ZAN: variants seen among roughly 807,000 people sequenced by gnomAD.
ZAN encodes zonadhesin (gene/pseudogene).
ZAN carries 260 observed loss-of-function variants against 286.2 expected under a neutral mutation model. The observed-to-expected ratio is 0.91, with a 90% CI of 0.82 to 1.01. The LOEUF is 1.01. ZAN is among the 50% of genes least tolerant of loss of function. ZAN has a pLI of 0.00. For missense variants in ZAN, 3,410 were observed against 3,639.2 expected (o/e 0.94, Z 1.62); for synonymous variants, 1,368 against 1,417.5 (o/e 0.97, Z 0.79).
chr7:100,756,101 C>T (rs57298786), intron 15 of ZAN, among the ~76,000 whole-genome samples: 3,147 of 152,144 alleles, frequency 0.021, 120 homozygotes, highest in South Asian at 0.14. Flanking sequence ...ATATTCTTTA[C>T]GTCTTTAAAT....
Position 100,788,103 on chromosome 7 carries a change from T to C in ZAN, c.7194T>C (p.Tyr2398=). The C allele has an allele frequency of 1.9e-6, 3 of 1,552,526 alleles. No individual in the cohort carries two copies. Among genetic ancestry groups the C allele is most frequent in the South Asian group, 2.4e-5 (2 of 82,276 alleles). Residue 2398 remains tyrosine, a synonymous_variant, in exon 38 of 48, where the codon TAT becomes TAC. Transcript: ENST00000613979. Reference sequence around the variant, plus strand: ...AAGTGATTACCACCGTCTACGGCTATAAAGTGCAGCTCCAAGCTGGTCTGG... The same window carrying C: ...AAGTGATTACCACCGTCTACGGCTACAAAGTGCAGCTCCAAGCTGGTCTGG... ...LQEVITTVYG[Y]KVQLQAGLEL...
At position 100,766,528 on chromosome 7, in the gene ZAN, G is replaced by A. The variant is rs747940944; in HGVS notation, c.4474G>A (p.Gly1492Arg). The A allele has an allele frequency of 1.7e-5, 26 of 1,549,736 alleles. No individual in the cohort carries two copies. The highest frequency in any genetic ancestry group is 1.5e-4 in the African/African-American group (11 of 73,138). ...CCTTCCCTGCTGTCTTCCCCAGGTAGGGGAGCGGTGGTACAAGCCAGGCTG... is the reference window on the plus strand; with the variant it reads ...CCTTCCCTGCTGTCTTCCCCAGGTAAGGGAGCGGTGGTACAAGCCAGGCTG... ...LHPAGSYFKV[G>R]ERWYKPGCKE... is the part of the protein sequence containing the mutation. Residue 1492 changes from glycine to arginine, a missense_variant, in exon 24 of 48, where the codon GGG becomes AGG. Gly to Arg is a moderately radical substitution (Grantham distance 125). This residue lies in a region of ZAN where 1,042 missense variants were observed against 1,058.0 expected (regional missense o/e 0.98). Coordinates refer to ENST00000613979, the MANE Select transcript of ZAN (RefSeq NM_003386.3).
At chr7:100,781,105 G>C (rs1036546270) in intron 35 of ZAN, among the ~76,000 whole-genome samples, 1 of 151,956 alleles carries the variant, frequency 6.6e-6, no homozygotes, top group Non-Finnish European at 1.5e-5. Context: ...ATCTCGCTCT[G>C]TCACCAGGCT....
rs1812286858 is a variant in ZAN at position 100,795,284 on chromosome 7, CG to C, written c.8219del (p.Gly2740GlufsTer38). On this transcript the variant is annotated frameshift_variant, in exon 45 of 48. Transcript: ENST00000613979. LOFTEE classifies it high-confidence loss of function. ...TFTCECEVGY[G>X]GGLCMEPRDA... ...TCACCTGCGAGTGTGAAGTTGGTTA[CG>C]GGGGAGGCCTGTGTATGGAGCCTCG... 6.2e-7 allele frequency: 1 copy of C among 1,610,760 alleles called. No individual in the cohort carries two copies. Among genetic ancestry groups the C allele is most frequent in the Admixed American group, 1.7e-5 (1 of 59,648 alleles).
intron 22 of ZAN, 117 bp downstream of exon 22, chr7:100,764,313 G>T: frequency 7.9e-7 from 1 of 1,270,946 alleles, no homozygotes; most frequent in Non-Finnish European, 1.0e-6. Flanking sequence ...GACCAGCCTG[G>T]CCAACACCCC....
intron 23 of ZAN, among the ~76,000 whole-genome samples, chr7:100,766,050 G>A (rs1039349585): frequency 6.6e-6 from 1 of 151,196 alleles, no homozygotes; most frequent in African/African-American, 2.4e-5. Context: ...GCAGTGGCAC[G>A]GTCTCAGCTC....
In ZAN at chr7:100,771,954, C is replaced by CAGGCCTACGCGTCCCTGT. The variant is rs1562942419; in HGVS notation, c.5360_5377dup (p.Leu1792_Cys1793insTer). 2.5e-6 allele frequency: 4 copies of CAGGCCTACGCGTCCCTGT among 1,611,194 alleles called. No homozygotes were observed. Among genetic ancestry groups the CAGGCCTACGCGTCCCTGT allele is most frequent in the Non-Finnish European group, 3.4e-6 (4 of 1,179,604 alleles). ...CACCACAGCCCTGTGCCGCTCCCTG[C>CAGGCCTACGCGTCCCTGT]AGGCCTACGCGTCCCTGTGTGCCCA... is the stretch of plus-strand genomic sequence containing the variant. On this transcript the variant is annotated stop_gained and inframe_insertion, in exon 29 of 48. Transcript: ENST00000613979. LOFTEE classifies it high-confidence loss of function.
chr7:100,775,942 C>T lies in ZAN; in HGVS notation c.6192+109C>T, dbSNP rs1276936772. On this transcript the variant is annotated intron_variant, in intron 33 of 47. Coordinates refer to ENST00000613979, the MANE Select transcript of ZAN (RefSeq NM_003386.3). ...ATCGTGCCTGCCCAAAGAGGCCACT[C>T]CTCAGGATGGAGCAGGGCAGTGGAG... 4 of 1,413,812 alleles carry T rather than the reference C, an allele frequency of 2.8e-6. No homozygotes were observed. In the African/African-American group the frequency reaches 4.2e-5, roughly 15 times the overall value. The allele number at this position is 1,413,812 out of a possible 1,614,324, so 87.6% of individuals were successfully genotyped here.
intron 15 of ZAN, among the ~76,000 whole-genome samples, chr7:100,757,963 G>A (rs1229270901): frequency 6.6e-6 from 1 of 150,428 alleles, no homozygotes; most frequent in African/African-American, 2.4e-5. Context: ...GCATGTGCCT[G>A]TAGTCCCAGA....
At chr7:100,757,651 A>AG (rs1344517607) in intron 15 of ZAN, among the ~76,000 whole-genome samples, 1 of 150,296 alleles carries the variant, frequency 6.7e-6, no homozygotes, top group Non-Finnish European at 1.5e-5. Context: ...GCTACTCTGG[A>AG]GGCTGAGGCA....
At chr7:100,749,712 A>G (rs1808507338) in intron 11 of ZAN, among the ~76,000 whole-genome samples, 1 of 121,012 alleles carries the variant, frequency 8.3e-6, no homozygotes, top group Admixed American at 8.1e-5. Context: ...ATATATATAT[A>G]CACACACACA....
chr7:100,792,159 G>C lies in ZAN; in HGVS notation c.7712+11G>C, dbSNP rs1335863508. 25 of 1,592,036 alleles carry C rather than the reference G, an allele frequency of 1.6e-5. No homozygotes were observed. Among genetic ancestry groups the C allele is most frequent in the Non-Finnish European group, 2.1e-5 (25 of 1,169,106 alleles). The stretch of plus-strand genomic sequence containing the variant: ...AGAGCCCTTCCAAGAGTGAGTCATG[G>C]GCCCAGGACTTGTGGGAATGGCCCA... On this transcript the variant is annotated intron_variant, in intron 41 of 47. Transcript: ENST00000613979.
intron 37 of ZAN, 133 bp downstream of exon 37, chr7:100,786,274 A>G: frequency 7.3e-7 from 1 of 1,370,814 alleles, no homozygotes; most frequent in South Asian, 1.4e-5. Context: ...CGACTGGATC[A>G]GGAGGCCTGG....
At position 100,773,885 on chromosome 7, in the gene ZAN, G is replaced by C; in HGVS notation, c.5779+20G>C. On this transcript the variant is annotated intron_variant, in intron 31 of 47. Transcript: ENST00000613979. Reference sequence around the variant, plus strand: ...CCTCAGGTAGGAGGACCACGGTGATGGGGGGACTCCACAGCCCTGAGGCCC... The same window carrying C: ...CCTCAGGTAGGAGGACCACGGTGATCGGGGGACTCCACAGCCCTGAGGCCC... 6.3e-7 allele frequency: 1 copy of C among 1,588,468 alleles called. No homozygotes were observed. The highest frequency in any genetic ancestry group is 8.6e-7 in the Non-Finnish European group (1 of 1,166,502).
At chr7:100,792,254 C>T in intron 41 of ZAN, 106 bp downstream of exon 41, 1 of 1,494,260 alleles carries the variant, frequency 6.7e-7, no homozygotes, top group Non-Finnish European at 8.9e-7. Context: ...TGGTTCACTC[C>T]TCCGTTCTCC....
In ZAN at chr7:100,748,324, AG is replaced by A; in HGVS notation, c.1106del (p.Gly369ValfsTer70). ...VDATSIAPCG[E>X]GFPQCDFEDN... ...CAAATATCCTATTTTGATCCCCCAG[AG>A]GGTTTTCCTCAGTGTGACTTTGAAG... is the stretch of plus-strand genomic sequence containing the variant. On this transcript the variant is annotated frameshift_variant and splice_region_variant, in exon 11 of 48. Transcript: ENST00000613979. LOFTEE classifies it high-confidence loss of function. The A allele has an allele frequency of 1.2e-6, 2 of 1,613,912 alleles. No homozygotes were observed. The highest frequency in any genetic ancestry group is 2.2e-5 in the South Asian group (2 of 91,080).
chr7:100,779,713 G>C lies in ZAN; in HGVS notation c.6585G>C (p.Gly2195=). 1 of 1,557,172 alleles carries C rather than the reference G, an allele frequency of 6.4e-7. No homozygotes were observed. The highest frequency in any genetic ancestry group is 8.7e-7 in the Non-Finnish European group (1 of 1,150,824). The change falls in exon 35 of 48, where the codon GGG becomes GGC. Residue 2195 remains glycine, a synonymous_variant. Coordinates refer to ENST00000613979, the MANE Select transcript of ZAN (RefSeq NM_003386.3). ...TCGGGGCCACCTGCCAGAGCCAGGGGCTCAAGCCCCCACTCTGGAGAAACA... is the reference window on the plus strand; with the variant it reads ...TCGGGGCCACCTGCCAGAGCCAGGGCCTCAAGCCCCCACTCTGGAGAAACA... ...QAFGATCQSQ[G]LKPPLWRNSS...
At chr7:100,738,987 C>CTCTCCTTCTCCT (rs1295059367) in intron 7 of ZAN, among the ~76,000 whole-genome samples, 1 of 39,412 alleles carries the variant, frequency 2.5e-5, no homozygotes, top group African/African-American at 7.9e-5. Flanking sequence ...CTCCCTCTCC[C>CTCTCCTTCTCCT]TCTCCTTCTC....
chr7:100,790,353 G>T (rs1016838377), intron 39 of ZAN, among the ~76,000 whole-genome samples: 2 of 150,810 alleles, frequency 1.3e-5, no homozygotes, highest in African/African-American at 4.9e-5. Flanking sequence ...ACGAGGTCAG[G>T]AGATCGAGAC....
Sources: allele counts gnomAD v4.1 joint callset (sites outside exome capture counted in the v4.1 genomes callset), GRCh38; gene constraint gnomAD v4.1.1; regional missense constraint gnomAD v4.1.1; transcripts MANE v1.5; gene names NCBI Gene and HGNC (gene_info 2026-07-23, HGNC 2026-07-21).